Variants in MERTK observed in about 807,000 individuals in gnomAD.
MERTK encodes the protein tyrosine-protein kinase Mer.
A neutral mutation model predicts 99.3 loss-of-function variants in MERTK; 69 were observed. The observed-to-expected ratio is 0.70, with a 90% CI of 0.57 to 0.85. The LOEUF is 0.85. Ranked by LOEUF, MERTK falls within the 40% of genes least tolerant of loss-of-function variation. The probability of loss-of-function intolerance (pLI) is 0.00; values close to 1 mark genes in which losing one functional copy is unlikely to be tolerated. For synonymous variants in MERTK, 426 were observed against 467.6 expected (o/e 0.91, Z 1.15); for missense variants, 1,125 against 1,249.4 (o/e 0.90, Z 1.50).
chr2:111,966,853 G>C (rs964924726), intron 5 of MERTK, among the ~76,000 whole-genome samples: 1 of 152,052 alleles, frequency 6.6e-6, no homozygotes, highest in Admixed American at 6.5e-5. Flanking sequence ...TGGCCCCCAG[G>C]GCACGCTTGA....
chr2:111,928,967 T>G (rs1282808209), intron 1 of MERTK, among the ~76,000 whole-genome samples, 153 bp from the exon 2 acceptor site: 1 of 152,202 alleles, frequency 6.6e-6, no homozygotes. Flanking sequence ...AATAAGAATA[T>G]GTCCAGATGT....
intron 10 of MERTK, among the ~76,000 whole-genome samples, chr2:111,999,793 C>T (rs369372565): frequency 8.6e-5 from 13 of 151,984 alleles, no homozygotes; most frequent in East Asian, 1.9e-4. Flanking sequence ...GGGCTGAGTC[C>T]GAAAAAGGAG....
At chr2:111,952,165 T>C (rs1304081333) in intron 4 of MERTK, 1 of 152,604 alleles carries the variant, frequency 6.6e-6, no homozygotes, top group East Asian at 1.9e-4. Flanking sequence ...CTTTTTTTTT[T>C]CTTTGGTAGA....
Position 111,948,530 on chromosome 2 carries a change from G to A in MERTK, c.757+963G>A, listed in dbSNP as rs554467089. Among the ~76,000 whole-genome samples the A allele has an allele frequency of 3.9e-5, 6 of 152,278 alleles. No individual in the cohort carries two copies. In the South Asian group the frequency reaches 1.2e-3, roughly 32 times the overall value. ...GGCATTGCCACTTGCTGGGTACATAGGCATCTCAGAATGAAACTCTTAACC... is the reference window on the plus strand; with the variant it reads ...GGCATTGCCACTTGCTGGGTACATAAGCATCTCAGAATGAAACTCTTAACC... On this transcript the variant is annotated intron_variant, in intron 4 of 18. Transcript: ENST00000295408.
intron 4 of MERTK, among the ~76,000 whole-genome samples, chr2:111,951,086 T>C (rs1292592171): frequency 6.7e-6 from 1 of 149,954 alleles, no homozygotes; most frequent in Non-Finnish European, 1.5e-5. Flanking sequence ...CCAGCCAAGC[T>C]CATTAATATA....
chr2:112,022,032 G>A (rs887128536), intron 17 of MERTK, among the ~76,000 whole-genome samples: 2 of 152,200 alleles, frequency 1.3e-5, no homozygotes, highest in Non-Finnish European at 1.5e-5. Flanking sequence ...TGACGAGGCT[G>A]TTTCTGCCTT....
intron 6 of MERTK, among the ~76,000 whole-genome samples, chr2:111,970,912 A>G (rs1233412435): frequency 6.6e-6 from 1 of 151,140 alleles, no homozygotes; most frequent in Non-Finnish European, 1.5e-5. Flanking sequence ...TTTGTGAAAG[A>G]TTGATGTTAA....
chr2:112,010,247 A>G (rs77781750), intron 15 of MERTK, 181 bp downstream of exon 15: 156,706 of 608,070 alleles, frequency 0.26, 21,988 homozygotes, highest in Admixed American at 0.36. Flanking sequence ...GGCCTGCTCC[A>G]GGTATTATTA....
chr2:112,008,425 A>AG lies in MERTK; in HGVS notation c.1912dup (p.Ala638GlyfsTer97). 2 of 1,614,126 alleles carry AG rather than the reference A, an allele frequency of 1.2e-6. No individual in the cohort carries two copies. The highest frequency in any genetic ancestry group is 1.7e-6 in the Non-Finnish European group (2 of 1,180,010). On this transcript the variant is annotated frameshift_variant, in exon 14 of 19. Coordinates refer to ENST00000295408, the MANE Select transcript of MERTK (RefSeq NM_006343.3). LOFTEE classifies it high-confidence loss of function. ...CGGGAGATCGAGGAGTTTCTCAGTG[A>AG]GGCAGCGTGCATGAAAGACTTCAGC...
At chr2:111,939,654 ATTTTTTTTTTTTTT>A (rs1184269274) in intron 2 of MERTK, among the ~76,000 whole-genome samples, 3 of 88,246 alleles carry the variant, frequency 3.4e-5, no homozygotes, top group Non-Finnish European at 6.9e-5. Context: ...CTAATTTTTA[ATTTTTTTTTTTTTT>A]TTTTTTTTTT....
chr2:111,985,959 T>C (rs1676471665), intron 8 of MERTK, among the ~76,000 whole-genome samples: 1 of 152,202 alleles, frequency 6.6e-6, no homozygotes, highest in Non-Finnish European at 1.5e-5. Context: ...ATGCATCCAC[T>C]GATGATGCTC....
At chr2:112,010,873 G>A (rs573038576) in intron 15 of MERTK, among the ~76,000 whole-genome samples, 25 of 152,294 alleles carry the variant, frequency 1.6e-4, no homozygotes, top group Admixed American at 1.6e-3. Context: ...CATCTTCTCT[G>A]TTGCAAAAGG....
intron 5 of MERTK, among the ~76,000 whole-genome samples, chr2:111,967,433 A>C (rs1573607197): frequency 6.6e-6 from 1 of 152,288 alleles, no homozygotes; most frequent in Admixed American, 6.5e-5. Flanking sequence ...AATTCAGCAC[A>C]AAGAAATAAG....
intron 7 of MERTK, among the ~76,000 whole-genome samples, chr2:111,977,043 A>G (rs1048348166): frequency 2.0e-5 from 3 of 152,188 alleles, no homozygotes; most frequent in Non-Finnish European, 4.4e-5. Context: ...TTCAGTCAGT[A>G]ATCTTTTACA....
At chr2:111,956,215 A>T (rs926647169) in intron 4 of MERTK, among the ~76,000 whole-genome samples, 1 of 152,196 alleles carries the variant, frequency 6.6e-6, no homozygotes, top group Non-Finnish European at 1.5e-5. Context: ...ACTTCTGTAT[A>T]TAAAATAGGG....
chr2:111,974,679 G>T (rs1285317898), intron 6 of MERTK, among the ~76,000 whole-genome samples: 1 of 136,198 alleles, frequency 7.3e-6, no homozygotes, highest in Admixed American at 8.2e-5. Flanking sequence ...TGAGGCAGGA[G>T]AATTGCTTGA....
chr2:111,934,218 A>G (rs1381553588), intron 2 of MERTK, among the ~76,000 whole-genome samples: 1 of 152,180 alleles, frequency 6.6e-6, no homozygotes. Context: ...AATGATTTCT[A>G]ATCCTTTGGG....
chr2:112,020,428 TCAAGCAAACAGG>T (rs1271687338), intron 16 of MERTK, among the ~76,000 whole-genome samples: 11 of 152,162 alleles, frequency 7.2e-5, no homozygotes, highest in Non-Finnish European at 1.6e-4. Context: ...AAAGGCAGTG[TCAAGCAAACAGG>T]GACAAGTTAG....
chr2:112,022,921 G>A (rs987028378), intron 18 of MERTK, among the ~76,000 whole-genome samples: 2 of 152,020 alleles, frequency 1.3e-5, no homozygotes, highest in East Asian at 1.9e-4. Flanking sequence ...ACGATTCCTC[G>A]GCCCTGTTCC....
Sources: allele counts gnomAD v4.1 joint callset (sites outside exome capture counted in the v4.1 genomes callset), GRCh38; gene constraint gnomAD v4.1.1; transcripts MANE v1.5; gene names NCBI Gene and HGNC (gene_info 2026-07-23, HGNC 2026-07-21).